Variants in MYLK observed in about 807,000 individuals in gnomAD.
MYLK encodes the protein myosin light chain kinase.
A neutral mutation model predicts 203.4 loss-of-function variants in MYLK; 106 were observed. The observed-to-expected ratio is 0.52, with a 90% CI of 0.45 to 0.61. MYLK has a LOEUF of 0.61. Ranked by LOEUF, MYLK falls within the 20% of genes least tolerant of loss-of-function variation. The pLI is 0.00. For synonymous variants in MYLK, 867 were observed against 959.5 expected (o/e 0.90, Z 1.78); for missense variants, 2,072 against 2,442.3 (o/e 0.85, Z 3.20).
chr3:123,705,778 T>C (rs985072482), intron 16 of MYLK, among the ~76,000 whole-genome samples: 1 of 152,108 alleles, frequency 6.6e-6, no homozygotes, highest in Admixed American at 6.6e-5. Context: ...CTAAGCCTTA[T>C]CACATTTGCC....
chr3:123,869,426 T>C (rs2032582245), intron 2 of MYLK, among the ~76,000 whole-genome samples: 1 of 152,142 alleles, frequency 6.6e-6, no homozygotes, highest in Non-Finnish European at 1.5e-5. Flanking sequence ...CCAGTGAACC[T>C]GGCTGAACAA....
At chr3:123,683,462 G>A (rs577314332) in intron 19 of MYLK, among the ~76,000 whole-genome samples, 2 of 152,062 alleles carry the variant, frequency 1.3e-5, no homozygotes, top group African/African-American at 4.8e-5. Flanking sequence ...AGAACTGGGG[G>A]CTGGGAACAT....
At chr3:123,755,804 T>C (rs2063341966) in intron 4 of MYLK, among the ~76,000 whole-genome samples, 1 of 152,134 alleles carries the variant, frequency 6.6e-6, no homozygotes, top group East Asian at 1.9e-4. Context: ...AAAAACTCTT[T>C]GGTCCTGTAG....
At chr3:123,802,668 G>A (rs935807732) in intron 3 of MYLK, among the ~76,000 whole-genome samples, 2 of 152,186 alleles carry the variant, frequency 1.3e-5, no homozygotes, top group Non-Finnish European at 2.9e-5. Context: ...AAGGAGCAAG[G>A]CCTGGTCTCC....
chr3:123,735,582 A>T, intron 8 of MYLK, 166 bp from the exon 9 acceptor site: 1 of 719,778 alleles, frequency 1.4e-6, no homozygotes, highest in Non-Finnish European at 2.5e-6. Flanking sequence ...GCCCTAGAGT[A>T]CATTGTCAAA....
rs1052053253 is a variant in MYLK at position 123,732,922 on chromosome 3, G to A, written c.1490C>T (p.Ser497Phe). Residue 497 changes from serine to phenylalanine, a missense_variant, in exon 11 of 34, where the codon TCC (serine) becomes TTC (phenylalanine). This residue lies in a region of MYLK where 683 missense variants were observed against 643.8 expected (regional missense o/e 1.06). Coordinates refer to ENST00000360304, the MANE Select transcript of MYLK (RefSeq NM_053025.4). ...CTASNAQGQL[S>F]CSWTLQVERL... The stretch of plus-strand genomic sequence containing the variant: ...TTCCACTTGGAGGGTCCAGCTACAG[G>A]ACAGCTGGCCTTGGGCGTTGGAAGC... The A allele has an allele frequency of 1.2e-6, 2 of 1,614,026 alleles. No homozygotes were observed. The highest frequency in any genetic ancestry group is 1.7e-6 in the Non-Finnish European group (2 of 1,180,028).
rs1272339137 is a variant in MYLK, at chr3:123,611,454, A to G, written c.*2651T>C. 2.0e-5 allele frequency: 3 copies of G among 152,036 alleles called. No homozygotes were observed. The highest frequency in any genetic ancestry group is 1.3e-4 in the Admixed American group (2 of 15,262). 9.4% of individuals were successfully genotyped at this position (152,036 alleles called of 1,614,324 possible). A position where few individuals can be genotyped will look rare whatever the true frequency, so the allele number is the denominator to read the frequency against. On this transcript the variant is annotated 3_prime_UTR_variant, in exon 34 of 34. Coordinates refer to ENST00000360304, the MANE Select transcript of MYLK (RefSeq NM_053025.4). Reference sequence around the variant, plus strand: ...AGTATCATCAGTGATGATGATGATGATGATGATGATAATGTCACATGTTAA... The same window carrying G: ...AGTATCATCAGTGATGATGATGATGGTGATGATGATAATGTCACATGTTAA...
At chr3:123,683,171 A>G (rs1358952969) in intron 19 of MYLK, among the ~76,000 whole-genome samples, 3 of 152,078 alleles carry the variant, frequency 2.0e-5, no homozygotes, top group Non-Finnish European at 4.4e-5. Context: ...CAGCACTTTC[A>G]CTGGCCTTCC....
At chr3:123,670,259 TG>T (rs1235871480) in intron 20 of MYLK, among the ~76,000 whole-genome samples, 2 of 151,938 alleles carry the variant, frequency 1.3e-5, no homozygotes, top group Non-Finnish European at 2.9e-5. Context: ...GTGGAGGAGA[TG>T]GTTAGTTAGA....
chr3:123,878,306 A>G (rs1295450418), intron 1 of MYLK, among the ~76,000 whole-genome samples: 2 of 152,202 alleles, frequency 1.3e-5, no homozygotes, highest in African/African-American at 2.4e-5. Flanking sequence ...ACCTGGAGAT[A>G]CCACGTCACA....
intron 20 of MYLK, among the ~76,000 whole-genome samples, chr3:123,678,607 T>C (rs1166288172): frequency 6.6e-6 from 1 of 151,900 alleles, no homozygotes; most frequent in East Asian, 1.9e-4. Context: ...GATTTCCCTC[T>C]TAGACTAGGT....
intron 4 of MYLK, among the ~76,000 whole-genome samples, chr3:123,765,426 G>A (rs1576897526): frequency 6.6e-6 from 1 of 151,928 alleles, no homozygotes; most frequent in Non-Finnish European, 1.5e-5. Flanking sequence ...AGCTACTTGG[G>A]AGGCAGAGGC....
chr3:123,665,550 C>T (rs2059707483), intron 22 of MYLK, among the ~76,000 whole-genome samples: 1 of 152,142 alleles, frequency 6.6e-6, no homozygotes. Context: ...TCACAACTTC[C>T]CACTCCTGTG....
In MYLK at chr3:123,733,720, T is replaced by C; in HGVS notation, c.1276A>G (p.Lys426Glu). 6.2e-7 allele frequency: 1 copy of C among 1,614,200 alleles called. No homozygotes were observed. The highest frequency in any genetic ancestry group is 8.5e-7 in the Non-Finnish European group (1 of 1,180,032). ...FESKPQSQEV[K>E]ENQTVKFRCE... ...CTGAACTTGACAGTTTGATTTTCCT[T>C]GACCTCCTGGCTTTGGGGCTTGCTC... The change falls in exon 10 of 34, where the codon AAG becomes GAG. Residue 426 changes from lysine to glutamate, a missense_variant. By Grantham distance (56) the Lys-to-Glu change is moderately conservative. This residue lies in a region of MYLK where 683 missense variants were observed against 643.8 expected (regional missense o/e 1.06). Coordinates refer to ENST00000360304, the MANE Select transcript of MYLK (RefSeq NM_053025.4).
chr3:123,759,292 T>C (rs1241435235), intron 4 of MYLK, among the ~76,000 whole-genome samples: 2 of 152,146 alleles, frequency 1.3e-5, no homozygotes, highest in Non-Finnish European at 2.9e-5. Flanking sequence ...ACACAAAACT[T>C]TGGGGTTCTG....
chr3:123,643,533 G>A (rs2058906889), intron 27 of MYLK, among the ~76,000 whole-genome samples: 1 of 152,108 alleles, frequency 6.6e-6, no homozygotes, highest in South Asian at 2.1e-4. Context: ...AAGATGGAAG[G>A]GGTTAAAGAG....
At chr3:123,814,190 AT>A in intron 3 of MYLK, 1 of 286,326 alleles carries the variant, frequency 3.5e-6, no homozygotes, top group South Asian at 4.1e-5. Flanking sequence ...TCAGGGATAA[AT>A]TTGGTTACAG....
chr3:123,689,437 G>A (rs903133924), intron 19 of MYLK, among the ~76,000 whole-genome samples: 8 of 152,204 alleles, frequency 5.3e-5, no homozygotes, highest in Admixed American at 1.3e-4. Context: ...TTCACTGCCC[G>A]GGGAGGCTGT....
Position 123,717,600 on chromosome 3 carries a change from G to GC in MYLK, c.1804+4527_1804+4528insG, listed in dbSNP as rs895600965. On this transcript the variant is annotated intron_variant, in intron 13 of 33. Coordinates refer to ENST00000360304, the MANE Select transcript of MYLK (RefSeq NM_053025.4). The stretch of plus-strand genomic sequence containing the variant: ...TTTAGCCTTGATGGAGATACTCCAG[G>GC]GGGAAAAAATTTTAAATATTCTAGC... Among the ~76,000 whole-genome samples the GC allele has an allele frequency of 5.8e-4, 3 of 5,184 alleles. No individual in the cohort carries two copies. The Non-Finnish European group carries it at 0.016, about 28-fold the overall frequency. The allele number at this position is 5,184 out of a possible 152,430, so 3.4% of individuals were successfully genotyped here.
Sources: allele counts gnomAD v4.1 joint callset (sites outside exome capture counted in the v4.1 genomes callset), GRCh38; gene constraint gnomAD v4.1.1; regional missense constraint gnomAD v4.1.1; transcripts MANE v1.5; gene names NCBI Gene and HGNC (gene_info 2026-07-23, HGNC 2026-07-21).